TRIM5: variants seen among roughly 807,000 people sequenced by gnomAD.
TRIM5 encodes tripartite motif-containing protein 5.
Under a neutral mutation model 35.6 loss-of-function variants are expected in TRIM5, and 31 were observed. That is an observed-to-expected ratio of 0.87 (90% CI 0.65 to 1.18). The LOEUF (loss-of-function observed/expected upper bound fraction) is 1.18, where lower values mean the gene tolerates loss of function less well. Ranked by LOEUF, TRIM5 falls within the 50% of genes most tolerant of loss-of-function variation. The pLI is 0.00. For synonymous variants in TRIM5, 243 were observed against 215.6 expected, an observed-to-expected ratio of 1.13 and a Z score of -1.11; for missense variants, 609 against 591.6, an observed-to-expected ratio of 1.03 and a Z score of -0.31.
At chr11:5,605,213 A>T in the TRIM5 span, 2 of 1,285,188 alleles carry the variant, frequency 1.6e-6, no homozygotes, top group East Asian at 2.3e-5. Context: ...TGCAGCATTT[A>T]CCCTCCCTCT....
At chr11:5,607,509 G>C in the TRIM5 span, among the ~76,000 whole-genome samples, 1 of 152,066 alleles carries the variant, frequency 6.6e-6, no homozygotes, top group African/African-American at 2.4e-5. Context: ...TTTTCTTCGG[G>C]GTCATTGAGA....
the TRIM5 span, chr11:5,642,601 G>A: frequency 6.8e-7 from 1 of 1,470,092 alleles, no homozygotes; most frequent in Non-Finnish European, 9.2e-7. Flanking sequence ...GAGGACAGAA[G>A]AGAGGAGGGA....
chr11:5,671,494 T>G (rs1333997818), intron 4 of TRIM5, among the ~76,000 whole-genome samples: 2 of 151,908 alleles, frequency 1.3e-5, no homozygotes, highest in African/African-American at 2.4e-5. Flanking sequence ...GCTCGAGAGA[T>G]AGAAATGATA....
the TRIM5 span, among the ~76,000 whole-genome samples, chr11:5,609,092 C>T: frequency 6.6e-6 from 1 of 151,984 alleles, no homozygotes. Flanking sequence ...AACGTAAACC[C>T]GAGCTCTGGA....
At chr11:5,634,490 A>AAT in the TRIM5 span, 2 of 358,322 alleles carry the variant, frequency 5.6e-6, no homozygotes, top group Admixed American at 6.9e-5. Context: ...AGATAATATA[A>AAT]ATACACACAC....
At chr11:5,613,461 G>A in the TRIM5 span, among the ~76,000 whole-genome samples, 2 of 152,126 alleles carry the variant, frequency 1.3e-5, no homozygotes, top group Non-Finnish European at 2.9e-5. Flanking sequence ...TATAATATTT[G>A]GGAGATCATA....
the TRIM5 span, chr11:5,645,610 T>C: frequency 1.5e-4 from 23 of 155,678 alleles, no homozygotes; most frequent in Non-Finnish European, 3.2e-4. Context: ...TTCAAGTGCA[T>C]AGAATGAGAG....
At chr11:5,602,516 A>G in the TRIM5 span, among the ~76,000 whole-genome samples, 3 of 151,888 alleles carry the variant, frequency 2.0e-5, no homozygotes, top group African/African-American at 4.8e-5. Flanking sequence ...CCCTTCTGAT[A>G]AGGGAATAGG....
chr11:5,682,353 G>A (rs1253956281), intron 1 of TRIM5, among the ~76,000 whole-genome samples: 2 of 152,082 alleles, frequency 1.3e-5, no homozygotes, highest in African/African-American at 4.8e-5. Context: ...CTCTGCTTTT[G>A]GGGGGCAGAT....
chr11:5,636,848 T>C, the TRIM5 span, among the ~76,000 whole-genome samples: 1 of 152,190 alleles, frequency 6.6e-6, no homozygotes, highest in African/African-American at 2.4e-5. Context: ...CTCCAATATG[T>C]TAAGATATAA....
chr11:5,668,458 C>G (rs1025420503), intron 4 of TRIM5, among the ~76,000 whole-genome samples: 1 of 151,814 alleles, frequency 6.6e-6, no homozygotes, highest in Non-Finnish European at 1.5e-5. Flanking sequence ...ATTTTTCTTT[C>G]TTTCTTTTTT....
chr11:5,615,304 T>C, the TRIM5 span, among the ~76,000 whole-genome samples: 1 of 152,360 alleles, frequency 6.6e-6, no homozygotes, highest in East Asian at 1.9e-4. Context: ...TCAAATCTTC[T>C]GTATCTTTAC....
chr11:5,678,933 C>A (rs1397738876), intron 3 of TRIM5, 141 bp downstream of exon 3: 1 of 701,058 alleles, frequency 1.4e-6, no homozygotes, highest in South Asian at 1.6e-5. Flanking sequence ...AGCCACCACA[C>A]CCCATCAGGG....
At chr11:5,646,020 A>ATAAATTATATATAAT in the TRIM5 span, among the ~76,000 whole-genome samples, 1 of 142,390 alleles carries the variant, frequency 7.0e-6, no homozygotes, top group Admixed American at 7.4e-5. Context: ...ACATATATAC[A>ATAAATTATATATAAT]TATGTATAGT....
Position 5,680,125 on chromosome 11 carries a change from C to T in TRIM5, c.53G>A (p.Cys18Tyr), listed in dbSNP as rs748366712. The change falls in exon 2 of 8, where the codon TGC (cysteine) becomes TAC (tyrosine). Residue 18 changes from cysteine to tyrosine, a missense_variant. Coordinates refer to ENST00000380034, the MANE Select transcript of TRIM5 (RefSeq NM_033034.3). ...NVKEEVTCPI[C>Y]LELLTQPLSL... ...CAGGGGTTGTGTCAGGAGTTCCAGGCAGATGGGGCAGGTCACCTCCTCCTT... is the reference window on the plus strand; with the variant it reads ...CAGGGGTTGTGTCAGGAGTTCCAGGTAGATGGGGCAGGTCACCTCCTCCTT... 2.8e-5 allele frequency: 45 copies of T among 1,613,700 alleles called. No homozygotes were observed. The South Asian group carries it at 4.8e-4, about 17-fold the overall frequency.
chr11:5,603,976 G>C, the TRIM5 span, among the ~76,000 whole-genome samples: 1 of 151,910 alleles, frequency 6.6e-6, no homozygotes, highest in East Asian at 1.9e-4. Flanking sequence ...ATGTTGGCAG[G>C]GTAGGTAAAG....
At chr11:5,681,624 G>T (rs924863581) in intron 1 of TRIM5, among the ~76,000 whole-genome samples, 2 of 151,920 alleles carry the variant, frequency 1.3e-5, no homozygotes, top group Non-Finnish European at 2.9e-5. Flanking sequence ...GTTTGTGGAG[G>T]CCTGGGAGTT....
chr11:5,610,258 A>C, the TRIM5 span: 1 of 1,614,028 alleles, frequency 6.2e-7, no homozygotes, highest in Non-Finnish European at 8.5e-7. Flanking sequence ...AAGGAGATTC[A>C]GGGGAAAGAG....
At chr11:5,678,101 G>T in intron 4 of TRIM5, 103 bp downstream of exon 4, 1 of 989,310 alleles carries the variant, frequency 1.0e-6, no homozygotes, top group Non-Finnish European at 1.4e-6. Flanking sequence ...AAGCGGTCCT[G>T]CAGAGAACAT....
Sources: gnomAD v4.1 joint callset for allele counts (sites outside exome capture counted in the v4.1 genomes callset) on GRCh38, gnomAD v4.1.1 for gene constraint, MANE v1.5 for transcripts, NCBI Gene and HGNC (gene_info 2026-07-23, HGNC 2026-07-21) for gene names.